SREBF1: variants seen among roughly 807,000 people sequenced by gnomAD.
The protein encoded by SREBF1 is sterol regulatory element-binding protein 1.
Under a neutral mutation model 100.1 loss-of-function variants are expected in SREBF1, and 45 were observed. The ratio of observed to expected loss-of-function variants is 0.45; its 90% confidence interval spans 0.35 to 0.58. The LOEUF is 0.58. SREBF1 is among the 20% of genes least tolerant of loss of function. The pLI is 0.00. For synonymous variants in SREBF1, 657 were observed against 681.8 expected (o/e 0.96, Z 0.57); for missense variants, 1,324 against 1,539.4 (o/e 0.86, Z 2.34).
intron 1 of SREBF1, among the ~76,000 whole-genome samples, chr17:17,823,189 G>T (rs1025862039): frequency 1.2e-4 from 19 of 152,204 alleles, no homozygotes; most frequent in African/African-American, 4.1e-4. Flanking sequence ...AGGGACAACG[G>T]GCCCTCCTCC....
chr17:17,814,611 T>A lies in SREBF1; in HGVS notation c.2735+4A>T. 6.5e-7 allele frequency: 1 copy of A among 1,540,264 alleles called. No individual in the cohort carries two copies. Among genetic ancestry groups the A allele is most frequent in the Non-Finnish European group, 8.7e-7 (1 of 1,147,692 alleles). ...CAGGCAGGAGGAACCTGCCGTGCAC[T>A]CACTCAGACTCCTGCAGCACCCGGG... On this transcript the variant is annotated splice_donor_region_variant and intron_variant, in intron 15 of 18. Transcript: ENST00000261646.
rs1231017177 is a variant in SREBF1, at chr17:17,811,437, A to G, written c.*1185T>C. ...AAAAAAAAAAGTCAATAAAGATACA[A>G]CGATTGTTTTGGAAAATCTGCAGCC... On this transcript the variant is annotated 3_prime_UTR_variant, in exon 19 of 19. Transcript: ENST00000261646. 3 of 232,822 alleles carry G rather than the reference A, an allele frequency of 1.3e-5. No individual in the cohort carries two copies. The highest frequency in any genetic ancestry group is 2.5e-5 in the African/African-American group (1 of 40,758). The allele number at this position is 232,822 out of a possible 1,614,324, so 14.4% of individuals were successfully genotyped here.
At chr17:17,829,097 G>A (rs1351138310) in intron 1 of SREBF1, among the ~76,000 whole-genome samples, 4 of 150,666 alleles carry the variant, frequency 2.7e-5, no homozygotes, top group East Asian at 1.9e-4. Flanking sequence ...GGAGGCTGAC[G>A]CAGGAGAATC....
At chr17:17,836,325 G>A (rs867542324) in intron 1 of SREBF1, among the ~76,000 whole-genome samples, 1 of 152,398 alleles carries the variant, frequency 6.6e-6, no homozygotes, top group Middle Eastern at 3.4e-3. Context: ...GGGAATGACC[G>A]TGAGTAACCT....
chr17:17,823,460 A>C, intron 1 of SREBF1: 2 of 1,263,240 alleles, frequency 1.6e-6, no homozygotes, highest in Non-Finnish European at 2.3e-6. Flanking sequence ...ACCCCAGGAG[A>C]ACCTGCAGGA....
Position 17,823,457 on chromosome 17 carries a change from G to A in SREBF1, c.92-2936C>T, listed in dbSNP as rs959620380. 51 of 1,311,522 alleles carry A rather than the reference G, an allele frequency of 3.9e-5. No homozygotes were observed. In the Admixed American group the frequency reaches 5.1e-4, roughly 13 times the overall value. The allele number at this position is 1,311,522 out of a possible 1,614,324, so 81.2% of individuals were successfully genotyped here. A position where few individuals can be genotyped will look rare whatever the true frequency, so the allele number is the denominator to read the frequency against. ...TAGCCCGCATGCCCGCCCACCCCAGGAGAACCTGCAGGAGACGGAGGCATT... is the reference window on the plus strand; with the variant it reads ...TAGCCCGCATGCCCGCCCACCCCAGAAGAACCTGCAGGAGACGGAGGCATT... On this transcript the variant is annotated intron_variant, in intron 1 of 18. Transcript: ENST00000261646.
intron 15 of SREBF1, 37 bp downstream of exon 15, chr17:17,814,578 C>T (rs2033335846): frequency 6.5e-7 from 1 of 1,536,938 alleles, no homozygotes; most frequent in African/African-American, 1.4e-5. Flanking sequence ...GAAGGCTGAG[C>T]CCGGGACCAG....
At chr17:17,815,150 G>T in intron 13 of SREBF1, 71 bp downstream of exon 13, 2 of 1,458,532 alleles carry the variant, frequency 1.4e-6, no homozygotes, top group Non-Finnish European at 1.9e-6. Flanking sequence ...TCTCCACAGG[G>T]TTGAGGCCAG....
rs1462437076 is a variant in SREBF1 at position 17,820,505 on chromosome 17, G to A, written c.108C>T (p.Ile36=). The A allele has an allele frequency of 6.2e-7, 1 of 1,613,932 alleles. No individual in the cohort carries two copies. The highest frequency in any genetic ancestry group is 8.5e-7 in the Non-Finnish European group (1 of 1,179,974). Residue 36 remains isoleucine (I), a synonymous_variant, in exon 2 of 19, where the codon ATC becomes ATT. Transcript: ENST00000261646. Reference sequence around the variant, plus strand: ...CAGGGAAGTCACTGTCTTGGTTGTTGATAAGCTGAAGCATGTCTGTGAAAA... The same window carrying A: ...CAGGGAAGTCACTGTCTTGGTTGTTAATAAGCTGAAGCATGTCTGTGAAAA... ...LTDIEDMLQL[I]NNQDSDFPGL... is the part of the protein sequence containing the mutation.
rs944888455 is a variant in SREBF1, at chr17:17,813,394, C to T, written c.3188G>A (p.Arg1063Gln). Residue 1063 changes from arginine (R) to glutamine (Q), a missense_variant, in exon 18 of 19, where the codon CGG (arginine) becomes CAG (glutamine). Coordinates refer to ENST00000261646, the MANE Select transcript of SREBF1 (RefSeq NM_004176.5). ...TCCTTTGCCACCGGGGCCTGCCCGC[C>T]GCCTCAGACTGCGGTCGAGGAGCTG... ...THQLLDRSLR[R>Q]RAGPGGKGGA... 3.1e-6 allele frequency: 5 copies of T among 1,601,100 alleles called. No homozygotes were observed. The South Asian group carries it at 4.5e-5, about 14-fold the overall frequency.
rs1352538125 is a variant in SREBF1, at chr17:17,824,566, C to T, written c.92-4045G>A. On this transcript the variant is annotated intron_variant, in intron 1 of 18. Transcript: ENST00000261646. This position sits in a 1 kb window ranked among gnomAD's most constrained non-coding sequence, Gnocchi z 4.2. ...GAGGAGGTGCCTGGGCCTGTCTTCC[C>T]TCTTTTGTCAAAGGTAAAAGTTACA... Among the ~76,000 whole-genome samples, 1 of 152,182 alleles carries T rather than the reference C, an allele frequency of 6.6e-6. No individual in the cohort carries two copies. The highest frequency in any genetic ancestry group is 1.5e-5 in the Non-Finnish European group (1 of 68,022).
intron 1 of SREBF1, among the ~76,000 whole-genome samples, chr17:17,834,786 G>A (rs1173304718): frequency 6.6e-6 from 1 of 152,176 alleles, no homozygotes; most frequent in Non-Finnish European, 1.5e-5. Flanking sequence ...AGGCTGAGGC[G>A]GGCGGATCAC....
chr17:17,833,844 G>T (rs141086741), intron 1 of SREBF1, among the ~76,000 whole-genome samples: 2 of 152,092 alleles, frequency 1.3e-5, no homozygotes, highest in East Asian at 3.9e-4. Context: ...CAGGCGTGGC[G>T]GTGCATGACT....
Position 17,819,655 on chromosome 17 carries a change from G to T in SREBF1, c.594C>A (p.Pro198=). 5 of 1,612,470 alleles carry T rather than the reference G, an allele frequency of 3.1e-6. No homozygotes were observed. The highest frequency in any genetic ancestry group is 4.2e-6 in the Non-Finnish European group (5 of 1,179,292). The stretch of plus-strand genomic sequence containing the variant: ...TCTGGACCTGGGTGTGCAAGGAGAC[G>T]GGCGGGACCCCTGGCGGGGAAGCCA... The part of the protein sequence containing the change: ...LPLASPPGVP[P]VSLHTQVQSV... The change falls in exon 3 of 19, where the codon CCC becomes CCA. Residue 198 remains proline, a synonymous_variant. Coordinates refer to ENST00000261646, the MANE Select transcript of SREBF1 (RefSeq NM_004176.5).
intron 6 of SREBF1, 108 bp downstream of exon 6, chr17:17,818,152 G>A: frequency 4.2e-6 from 4 of 942,718 alleles, no homozygotes; most frequent in Non-Finnish European, 5.0e-6. Flanking sequence ...CAGGGCAGAG[G>A]GTGGGCCAGA....
At chr17:17,813,296 G>C (rs1204142525) in intron 18 of SREBF1, 72 bp downstream of exon 18, 3 of 1,420,220 alleles carry the variant, frequency 2.1e-6, no homozygotes, top group African/African-American at 2.8e-5. Flanking sequence ...AGCCTCCCTT[G>C]GTATCACATC....
chr17:17,825,547 A>G, intron 1 of SREBF1, among the ~76,000 whole-genome samples: 1 of 151,472 alleles, frequency 6.6e-6, no homozygotes. Flanking sequence ...TCTGAAACTC[A>G]AGGCCTGGCC....
In SREBF1 at chr17:17,816,007, G is replaced by A. The variant is rs750664659; in HGVS notation, c.2236C>T (p.Arg746Cys). 52 of 1,612,346 alleles carry A rather than the reference G, an allele frequency of 3.2e-5. No individual in the cohort carries two copies. The highest frequency in any genetic ancestry group is 6.7e-5 in the East Asian group (3 of 44,884). ...CCACTCTGTGCCAGGCAGGCCTGGC[G>A]GGCACTGCTCAGGAAGAAGCGCTGT... Reference protein sequence around the residue: ...FLTRFFLSSARQACLAQSGSV... With the variant: ...FLTRFFLSSACQACLAQSGSV... Residue 746 changes from arginine to cysteine, a missense_variant, in exon 12 of 19, where the codon CGC (arginine) becomes TGC (cysteine). By Grantham distance (180) the Arg-to-Cys change is radical (BLOSUM62 -3). Transcript: ENST00000261646.
Position 17,820,146 on chromosome 17 carries a change from T to G in SREBF1, c.467A>C (p.Gln156Pro), listed in dbSNP as rs771489805. 1 of 1,613,138 alleles carries G rather than the reference T, an allele frequency of 6.2e-7. No individual in the cohort carries two copies. Among genetic ancestry groups the G allele is most frequent in the Admixed American group, 1.7e-5 (1 of 59,974 alleles). Residue 156 changes from glutamine to proline, a missense_variant, in exon 2 of 19, where the codon CAG (glutamine) becomes CCG (proline). Gln to Pro is a moderately conservative substitution (Grantham distance 76). Coordinates refer to ENST00000261646, the MANE Select transcript of SREBF1 (RefSeq NM_004176.5). ...GCCTAACACAGGGGTGGAGCTGAAC[T>G]GCGGTGGGGCTGGGGCTGGGAAGCT... ...PQSFPAPAPP[Q>P]FSSTPVLGYP...
Sources: gnomAD v4.1 joint callset for allele counts (sites outside exome capture counted in the v4.1 genomes callset) on GRCh38, gnomAD v4.1.1 for gene constraint, Gnocchi (gnomAD v3.1) non-coding constraint, MANE v1.5 for transcripts, NCBI Gene and HGNC (gene_info 2026-07-23, HGNC 2026-07-21) for gene names.